The following DACH1 variants were observed in gnomAD, a reference collection of about 807,000 sequenced individuals.
DACH1 encodes the protein dachshund family transcription factor 1.
DACH1 carries 12 observed loss-of-function variants against 54.2 expected under a neutral mutation model. The ratio of observed to expected loss-of-function variants is 0.22; its 90% confidence interval spans 0.14 to 0.36. The LOEUF (loss-of-function observed/expected upper bound fraction) is 0.36. DACH1 is among the 10% of genes least tolerant of loss of function. The probability of loss-of-function intolerance (pLI) is 1.00; values close to 1 mark genes in which losing one functional copy is unlikely to be tolerated. For missense variants in DACH1, 805 were observed against 929.8 expected (o/e 0.87, Z 1.75); for synonymous variants, 386 against 366.2 (o/e 1.05, Z -0.62).
At chr13:71,714,871 T>G (rs1291579756) in intron 1 of DACH1, among the ~76,000 whole-genome samples, 1 of 152,088 alleles carries the variant, frequency 6.6e-6, no homozygotes, top group Admixed American at 6.5e-5. Context: ...GAGAAAGTAT[T>G]GGTCTACCCT....
chr13:71,629,047 G>A (rs1876880959), intron 3 of DACH1, among the ~76,000 whole-genome samples: 1 of 152,006 alleles, frequency 6.6e-6, no homozygotes, highest in African/African-American at 2.4e-5. Flanking sequence ...CTAATTACTT[G>A]TTTTAAAAAG....
chr13:71,743,554 A>G (rs557974984), intron 1 of DACH1, among the ~76,000 whole-genome samples: 2 of 152,332 alleles, frequency 1.3e-5, no homozygotes, highest in African/African-American at 2.4e-5. Flanking sequence ...GGGTTTCAGT[A>G]TCTTGCTAAA....
At chr13:71,766,731 C>T (rs1327665080) in intron 1 of DACH1, among the ~76,000 whole-genome samples, 3 of 151,734 alleles carry the variant, frequency 2.0e-5, no homozygotes, top group Admixed American at 6.6e-5. Flanking sequence ...TCTTGAAGTT[C>T]CTTAAATTTT....
chr13:71,654,958 G>A (rs1220848730), intron 2 of DACH1, among the ~76,000 whole-genome samples: 3 of 152,180 alleles, frequency 2.0e-5, no homozygotes, highest in African/African-American at 7.2e-5. Context: ...ATGTTGTACA[G>A]ACTTATGATT....
chr13:71,835,412 G>T (rs1888746068), intron 1 of DACH1, among the ~76,000 whole-genome samples: 1 of 152,052 alleles, frequency 6.6e-6, no homozygotes. Flanking sequence ...ACTCTGTAAT[G>T]CTTATTAAAA....
chr13:71,831,025 T>G (rs547579196), intron 1 of DACH1, among the ~76,000 whole-genome samples: 243 of 152,032 alleles, frequency 1.6e-3, no homozygotes, highest in Non-Finnish European at 2.8e-3. Flanking sequence ...TGCCTGATTA[T>G]GGTCCCAGAA....
At chr13:71,696,495 T>C (rs1161896995) in intron 1 of DACH1, among the ~76,000 whole-genome samples, 5 of 152,090 alleles carry the variant, frequency 3.3e-5, no homozygotes, top group Admixed American at 3.3e-4. Flanking sequence ...TGTTTCAGCC[T>C]TAAGTAACTT....
chr13:71,555,564 G>A (rs774093773), intron 6 of DACH1, among the ~76,000 whole-genome samples: 14 of 151,568 alleles, frequency 9.2e-5, no homozygotes, highest in Admixed American at 2.0e-4. Context: ...GGCTGGTCTC[G>A]ACTCCTGACC....
rs760336511 is a variant in DACH1, at chr13:71,559,992, T to C, written c.1300-37A>G. ...AGAGAGGGAAGGAGGGTAGAAAAGA[T>C]GTTAAATACAACGGATCTTTACTTA... On this transcript the variant is annotated intron_variant, in intron 4 of 10. Transcript: ENST00000613252. 6.8e-6 allele frequency: 10 copies of C among 1,462,222 alleles called. No homozygotes were observed. In the East Asian group the frequency reaches 2.5e-4, roughly 37 times the overall value. The allele number at this position is 1,462,222 out of a possible 1,614,324, so 90.6% of individuals were successfully genotyped here.
intron 4 of DACH1, among the ~76,000 whole-genome samples, chr13:71,561,364 T>A (rs1245695559): frequency 6.6e-6 from 1 of 152,198 alleles, no homozygotes; most frequent in Non-Finnish European, 1.5e-5. Context: ...TTAGTTAAGA[T>A]GAGAACATAC....
At chr13:71,783,840 GTTT>G (rs373566201) in intron 1 of DACH1, among the ~76,000 whole-genome samples, 1 of 146,334 alleles carries the variant, frequency 6.8e-6, no homozygotes, top group Non-Finnish European at 1.5e-5. Context: ...TTGATTTAAG[GTTT>G]TTTTTTTGTT....
intron 6 of DACH1, among the ~76,000 whole-genome samples, chr13:71,548,460 A>T (rs1883598117): frequency 6.6e-6 from 1 of 152,220 alleles, no homozygotes; most frequent in South Asian, 2.1e-4. Context: ...TTTAACAGTC[A>T]TTTTTGTACA....
intron 1 of DACH1, among the ~76,000 whole-genome samples, chr13:71,698,917 C>G (rs1050087121): frequency 6.6e-6 from 1 of 151,866 alleles, no homozygotes; most frequent in African/African-American, 2.4e-5. Flanking sequence ...AGATTTAGTG[C>G]CATTAAAAAA....
chr13:71,625,186 A>T (rs1876554369), intron 3 of DACH1, among the ~76,000 whole-genome samples: 1 of 151,968 alleles, frequency 6.6e-6, no homozygotes. Flanking sequence ...GTTTCATTAT[A>T]GCAGCATCAT....
At chr13:71,447,146 G>C (rs562147625) in intron 10 of DACH1, among the ~76,000 whole-genome samples, 66 of 152,248 alleles carry the variant, frequency 4.3e-4, no homozygotes, top group African/African-American at 1.6e-3. Flanking sequence ...TTGTGCGTGT[G>C]AATTTTTGTA....
rs1041123457 is a variant in DACH1, at chr13:71,603,299, T to C, written c.1126+27257A>G. On this transcript the variant is annotated intron_variant, in intron 3 of 10. Transcript: ENST00000613252. ...AAATACCAAAATGCTTCTCATGCTGTGTACAGACTAAAAACAATCGCAACT... is the reference window on the plus strand; with the variant it reads ...AAATACCAAAATGCTTCTCATGCTGCGTACAGACTAAAAACAATCGCAACT... Among the ~76,000 whole-genome samples the C allele has an allele frequency of 3.9e-5, 6 of 152,148 alleles. No homozygotes were observed. In the East Asian group the frequency reaches 1.2e-3, roughly 29 times the overall value.
At chr13:71,542,993 G>A (rs1223842534) in intron 6 of DACH1, among the ~76,000 whole-genome samples, 3 of 152,106 alleles carry the variant, frequency 2.0e-5, no homozygotes. Context: ...ATACATTCAT[G>A]AAAGGAAAGA....
chr13:71,647,889 A>C (rs978490489), intron 2 of DACH1, among the ~76,000 whole-genome samples: 2 of 152,252 alleles, frequency 1.3e-5, no homozygotes, highest in Admixed American at 6.5e-5. Context: ...AAGCATGCTC[A>C]ACAGTTAACC....
intron 1 of DACH1, among the ~76,000 whole-genome samples, chr13:71,848,125 A>G (rs1281020008): frequency 2.0e-5 from 3 of 152,186 alleles, no homozygotes; most frequent in Admixed American, 1.3e-4. Context: ...CAGAGATTCA[A>G]TAATACCCGC....
Sources: allele counts gnomAD v4.1 joint callset (sites outside exome capture counted in the v4.1 genomes callset), GRCh38; gene constraint gnomAD v4.1.1; transcripts MANE v1.5; gene names NCBI Gene and HGNC (gene_info 2026-07-23, HGNC 2026-07-21).